Variants in SLC22A8 observed in about 807,000 individuals in gnomAD.
SLC22A8 encodes the protein organic anion transporter 3.
SLC22A8 carries 40 observed loss-of-function variants against 48.4 expected under a neutral mutation model. That is an observed-to-expected ratio of 0.83 (90% CI 0.64 to 1.08). SLC22A8 has a LOEUF of 1.08. Ranked by LOEUF, SLC22A8 falls within the 50% of genes least tolerant of loss-of-function variation. The pLI, the probability that SLC22A8 is intolerant of heterozygous loss-of-function variation, is 0.00. For synonymous variants in SLC22A8, 268 were observed against 286.3 expected (o/e 0.94, Z 0.65); for missense variants, 606 against 699.0 (o/e 0.87, Z 1.50).
In SLC22A8 at chr11:62,995,754, C is replaced by T. The variant is rs57743826; in HGVS notation, c.951G>A (p.Leu317=). ...TGCGGCGCAGCATGGGTATCCGGAA[C>T]AGGTCACTTGCGGTGTACTTGGCCT... ...LAKAKYTASD[L]FRIPMLRRMT... is the part of the protein sequence containing the mutation. The change falls in exon 7 of 11, where the codon CTG becomes CTA. Residue 317 remains leucine, a synonymous_variant. Transcript: ENST00000336232. 23,725 of 1,614,110 alleles carry T rather than the reference C, an allele frequency of 0.015. 249 individuals are homozygous for T. Among genetic ancestry groups the T allele is most frequent in the Middle Eastern group, 0.021 (126 of 6,060 alleles).
In SLC22A8 at chr11:62,994,757, C is replaced by T; in HGVS notation, c.1002-1G>A. The T allele has an allele frequency of 6.2e-7, 1 of 1,613,856 alleles. No homozygotes were observed. Among genetic ancestry groups the T allele is most frequent in the Non-Finnish European group, 8.5e-7 (1 of 1,179,732 alleles). ...ATAGTAGGCAAAACCGGTAGCAAACCTGAGAGGCAGAGAAGGATTGGTTAG... is the reference window on the plus strand; with the variant it reads ...ATAGTAGGCAAAACCGGTAGCAAACTTGAGAGGCAGAGAAGGATTGGTTAG... On this transcript the variant is annotated splice_acceptor_variant, in intron 7 of 10. Transcript: ENST00000336232. LOFTEE classifies it high-confidence loss of function.
chr11:62,998,102 C>T (rs1489631643), intron 5 of SLC22A8, among the ~76,000 whole-genome samples: 1 of 152,174 alleles, frequency 6.6e-6, no homozygotes, highest in African/African-American at 2.4e-5. Flanking sequence ...CAGGCATGCG[C>T]CACCATGCAC....
rs768672681 is a variant in SLC22A8 at position 62,993,244 on chromosome 11, G to A, written c.1622C>T (p.Ser541Phe). 1.2e-6 allele frequency: 2 copies of A among 1,611,834 alleles called. No homozygotes were observed. The highest frequency in any genetic ancestry group is 8.5e-7 in the Non-Finnish European group (1 of 1,179,502). Residue 541 changes from serine (S) to phenylalanine (F), a missense_variant, in exon 11 of 11, where the codon TCC (serine) becomes TTC (phenylalanine). Physicochemically the swap from Ser to Phe is radical, Grantham distance 155. Transcript: ENST00000336232. ...AAGGGGGTTCCGTTGTCCTCAGCTG[G>A]AGCCCAGGCCTGGTCCGTGAGGCTG... ...PLQPHGPGLG[S>F]S
Position 63,014,708 on chromosome 11 carries a change from A to C in SLC22A8, c.251T>G (p.Leu84Arg). Residue 84 changes from leucine (L) to arginine (R), a missense_variant, in exon 2 of 11, where the codon CTG (leucine) becomes CGG (arginine). Coordinates refer to ENST00000336232, the MANE Select transcript of SLC22A8 (RefSeq NM_004254.4). ...LRFVHPPNAS[L>R]PNDTQRAMEP... ...CATGGCCCTCTGGGTGTCATTGGGCAGGCTGGCATTGGGCGGATGTACAAA... is the reference window on the plus strand; with the variant it reads ...CATGGCCCTCTGGGTGTCATTGGGCCGGCTGGCATTGGGCGGATGTACAAA... 6.2e-7 allele frequency: 1 copy of C among 1,614,074 alleles called. No individual in the cohort carries two copies. The highest frequency in any genetic ancestry group is 8.5e-7 in the Non-Finnish European group (1 of 1,179,936).
At position 63,014,569 on chromosome 11, in the gene SLC22A8, G is replaced by A. The variant is rs1251277458; in HGVS notation, c.333+57C>T. The A allele has an allele frequency of 2.7e-5, 37 of 1,390,406 alleles. No homozygotes were observed. The African/African-American group carries it at 3.3e-4, about 12-fold the overall frequency. The allele number at this position is 1,390,406 out of a possible 1,614,324, so 86.1% of individuals were successfully genotyped here. On this transcript the variant is annotated intron_variant, in intron 2 of 10. Coordinates refer to ENST00000336232, the MANE Select transcript of SLC22A8 (RefSeq NM_004254.4). ...CCAGCCTCCTCTGCTGCCCACCAGC[G>A]GTGCAGGGTATGGGGGTACGTGGGT...
chr11:62,998,842 C>T, intron 5 of SLC22A8, 79 bp downstream of exon 5: 30 of 1,352,066 alleles, frequency 2.2e-5, no homozygotes, highest in Non-Finnish European at 3.1e-5. Flanking sequence ...ACAGAGTTGG[C>T]CAGCCTGGGC....
chr11:62,994,446 A>G (rs2086384363), intron 8 of SLC22A8, 96 bp downstream of exon 8: 5 of 895,238 alleles, frequency 5.6e-6, no homozygotes, highest in South Asian at 3.0e-5. Context: ...TGCTCAAGGT[A>G]ACACAGTGAC....
At chr11:62,996,242 G>A in intron 5 of SLC22A8, 90 bp from the exon 6 acceptor site, 1 of 1,338,408 alleles carries the variant, frequency 7.5e-7, no homozygotes, top group South Asian at 1.4e-5. Flanking sequence ...GGGCCAAGGG[G>A]TAGGAGGACC....
intron 2 of SLC22A8, among the ~76,000 whole-genome samples, chr11:63,008,847 G>C (rs987797892): frequency 1.3e-5 from 2 of 152,076 alleles, no homozygotes; most frequent in Non-Finnish European, 2.9e-5. Flanking sequence ...ATCTGAGCCC[G>C]GTGTATTCCT....
chr11:62,993,815 C>A lies in SLC22A8; in HGVS notation c.1280G>T (p.Ser427Ile), dbSNP rs769632410. 2 of 1,614,020 alleles carry A rather than the reference C, an allele frequency of 1.2e-6. No homozygotes were observed. The highest frequency in any genetic ancestry group is 1.1e-5 in the South Asian group (1 of 91,072). The change falls in exon 9 of 11, where the codon AGC (serine) becomes ATC (isoleucine). Residue 427 changes from serine (S) to isoleucine (I), a missense_variant. Coordinates refer to ENST00000336232, the MANE Select transcript of SLC22A8 (RefSeq NM_004254.4). ...FGKGCLSSSFSCLFLYTSELY... is the reference protein window; with the variant it reads ...FGKGCLSSSFICLFLYTSELY... Reference sequence around the variant, plus strand: ...TTCACTTGTGTAGAGGAAGAGGCAGCTGAAGGAGCTGGATAGGCATCCCTT... The same window carrying A: ...TTCACTTGTGTAGAGGAAGAGGCAGATGAAGGAGCTGGATAGGCATCCCTT...
intron 4 of SLC22A8, 197 bp from the exon 5 acceptor site, chr11:62,999,286 G>T: frequency 1.8e-6 from 1 of 560,932 alleles, no homozygotes; most frequent in South Asian, 2.5e-5. Context: ...AGATGCCACA[G>T]CTGAGGCTCA....
chr11:62,999,351 A>G, intron 4 of SLC22A8: 1 of 493,200 alleles, frequency 2.0e-6, no homozygotes, highest in Non-Finnish European at 3.6e-6. Context: ...GCTCTTAACC[A>G]CTGCTTCTCC....
At chr11:63,010,113 A>G (rs1341921970) in intron 2 of SLC22A8, among the ~76,000 whole-genome samples, 1 of 152,200 alleles carries the variant, frequency 6.6e-6, no homozygotes, top group East Asian at 1.9e-4. Flanking sequence ...TGCAGCTAAC[A>G]TGAAGATGGA....
chr11:63,000,979 G>T (rs2086487470), intron 2 of SLC22A8, 156 bp from the exon 3 acceptor site: 2 of 621,134 alleles, frequency 3.2e-6, no homozygotes, highest in Non-Finnish European at 5.9e-6. Context: ...CCGGCTCGGA[G>T]CTCCTTGGGT....
chr11:63,003,867 GA>G (rs1288757112), intron 2 of SLC22A8, among the ~76,000 whole-genome samples: 2 of 152,132 alleles, frequency 1.3e-5, no homozygotes, highest in African/African-American at 4.8e-5. Context: ...CTGTGAAGCA[GA>G]ACCACCCATT....
chr11:62,999,538 T>C, intron 4 of SLC22A8, 150 bp downstream of exon 4: 2 of 569,410 alleles, frequency 3.5e-6, no homozygotes, highest in South Asian at 7.4e-5. Flanking sequence ...CATTTTTAAA[T>C]TTAAGTGAGG....
intron 2 of SLC22A8, among the ~76,000 whole-genome samples, chr11:63,003,754 C>A (rs1454942298): frequency 6.6e-6 from 1 of 152,100 alleles, no homozygotes; most frequent in African/African-American, 2.4e-5. Context: ...AAGAGGGATT[C>A]CCTAGTCTGG....
intron 2 of SLC22A8, among the ~76,000 whole-genome samples, chr11:63,009,558 C>A (rs1316206106): frequency 6.6e-6 from 1 of 152,156 alleles, no homozygotes; most frequent in Admixed American, 6.5e-5. Flanking sequence ...CTCCAGGGAG[C>A]CCAGAGTCCA....
At chr11:63,002,994 C>A (rs1248896308) in intron 2 of SLC22A8, among the ~76,000 whole-genome samples, 3 of 152,222 alleles carry the variant, frequency 2.0e-5, no homozygotes, top group Non-Finnish European at 4.4e-5. Flanking sequence ...CCTAGCCATT[C>A]TTTCCCTGAT....
Sources: allele counts gnomAD v4.1 joint callset (sites outside exome capture counted in the v4.1 genomes callset), GRCh38; gene constraint gnomAD v4.1.1; transcripts MANE v1.5; gene names NCBI Gene and HGNC (gene_info 2026-07-23, HGNC 2026-07-21).